The following APC variants were observed in gnomAD, a reference collection of about 807,000 sequenced individuals.
APC encodes the protein adenomatous polyposis coli protein.
APC carries 72 observed loss-of-function variants against 247.0 expected under a neutral mutation model. The ratio of observed to expected loss-of-function variants is 0.29; its 90% CI spans 0.24 to 0.35. The LOEUF (loss-of-function observed/expected upper bound fraction) is 0.35, where lower values mean the gene tolerates loss of function less well. Ranked by LOEUF, APC falls within the 10% of genes least tolerant of loss-of-function variation. The pLI is 1.00. For missense variants in APC, 3,400 were observed against 3,360.7 expected, an observed-to-expected ratio of 1.01 and a Z score of -0.29; for synonymous variants, 1,254 against 1,162.5, an observed-to-expected ratio of 1.08 and a Z score of -1.60.
upstream of APC, among the ~76,000 whole-genome samples, chr5:112,733,940 A>G (rs1454931283): frequency 6.6e-6 from 1 of 152,202 alleles, no homozygotes; most frequent in African/African-American, 2.4e-5. Context: ...AAAATTAATT[A>G]AGATTCTATT....
rs78918340 is a variant in APC, at chr5:112,784,881, A to C, written c.645+3978A>C. Reference sequence around the variant, plus strand: ...AATAGCTCAGGCCTGTAATCCCAGCACTTTGGGAGGCTGACGCAAGAGGAT... The same window carrying C: ...AATAGCTCAGGCCTGTAATCCCAGCCCTTTGGGAGGCTGACGCAAGAGGAT... On this transcript the variant is annotated intron_variant, in intron 6 of 15. Coordinates refer to ENST00000257430, the MANE Select transcript of APC (RefSeq NM_000038.6). 6.6e-6 allele frequency among the ~76,000 whole-genome samples: 1 copy of C among 152,128 alleles called. No individual in the cohort carries two copies. Among genetic ancestry groups the C allele is most frequent in the Non-Finnish European group, 1.5e-5 (1 of 68,012 alleles).
intron 4 of APC, among the ~76,000 whole-genome samples, chr5:112,769,050 C>CTTTTTTTT (rs11379766): frequency 9.3e-5 from 9 of 96,822 alleles, no homozygotes; most frequent in African/African-American, 2.5e-4. Flanking sequence ...TTTTTTTCTT[C>CTTTTTTTT]TTTTTTTTTT....
chr5:112,817,573 C>A (rs1437139257), intron 9 of APC, among the ~76,000 whole-genome samples: 1 of 152,170 alleles, frequency 6.6e-6, no homozygotes, highest in African/African-American at 2.4e-5. Flanking sequence ...CTAACCTCAA[C>A]ATGTAGTTTT....
intron 8 of APC, among the ~76,000 whole-genome samples, chr5:112,811,561 G>A (rs1761986131): frequency 6.6e-6 from 1 of 152,154 alleles, no homozygotes; most frequent in African/African-American, 2.4e-5. Flanking sequence ...AATTTCTACT[G>A]AGACAGATTG....
intron 14 of APC, among the ~76,000 whole-genome samples, chr5:112,832,973 G>C (rs1764451860): frequency 6.6e-6 from 1 of 151,858 alleles, no homozygotes; most frequent in South Asian, 2.1e-4. Context: ...GTTTCCTGAT[G>C]GATATATAGT....
intron 5 of APC, 65 bp from the exon 6 acceptor site, chr5:112,780,725 T>A: frequency 8.7e-7 from 1 of 1,153,036 alleles, no homozygotes; most frequent in South Asian, 1.3e-5. Context: ...CTTATATGCT[T>A]TTTTGCTTTT....
rs1554084088 is a variant in APC at position 112,837,951 on chromosome 5, G to A, written c.2357G>A (p.Arg786His). The change falls in exon 16 of 16, where the codon CGT (arginine) becomes CAT (histidine). Residue 786 changes from arginine to histidine, a missense_variant. By Grantham distance (29) the Arg-to-His change is conservative. Transcript: ENST00000257430. ...IDNLSPKASH[R>H]SKQRHKQSLY... ...AATTTAAGTCCCAAGGCATCTCATC[G>A]TAGTAAGCAGAGACACAAGCAAAGT... 1.6e-5 allele frequency: 26 copies of A among 1,614,044 alleles called. No homozygotes were observed. Among genetic ancestry groups the A allele is most frequent in the Non-Finnish European group, 2.0e-5 (24 of 1,180,016 alleles).
intron 2 of APC, among the ~76,000 whole-genome samples, chr5:112,764,141 G>A (rs968364635): frequency 6.6e-6 from 1 of 151,792 alleles, no homozygotes; most frequent in Non-Finnish European, 1.5e-5. Context: ...AGCTACTGGG[G>A]AGGCTGAGGC....
intron 6 of APC, among the ~76,000 whole-genome samples, chr5:112,790,587 C>T (rs1430987794): frequency 6.6e-6 from 1 of 152,138 alleles, no homozygotes; most frequent in Non-Finnish European, 1.5e-5. Flanking sequence ...CCTCGGCCTC[C>T]TGAAGTGCTG....
intron 4 of APC, among the ~76,000 whole-genome samples, chr5:112,774,845 A>G (rs983185789): frequency 7.2e-5 from 11 of 152,208 alleles, no homozygotes; most frequent in African/African-American, 2.4e-4. Flanking sequence ...GCTACAATTT[A>G]TATTTAAAAT....
In APC at chr5:112,772,830, C is replaced by T. The variant is rs532901102; in HGVS notation, c.423-2799C>T. On this transcript the variant is annotated intron_variant, in intron 4 of 15. Transcript: ENST00000257430. ...CCGTGCCTGGCCCCAACTCTTATTT[C>T]ATAAGTTCATTTATTAGGAAGTAAT... Among the ~76,000 whole-genome samples, 6 of 152,296 alleles carry T rather than the reference C, an allele frequency of 3.9e-5. No individual in the cohort carries two copies. In the South Asian group the frequency reaches 1.2e-3, roughly 32 times the overall value.
chr5:112,845,642 T>A lies in APC; in HGVS notation c.*1516T>A. The A allele has an allele frequency of 4.3e-6, 1 of 232,096 alleles. No individual in the cohort carries two copies. Among genetic ancestry groups the A allele is most frequent in the East Asian group, 6.1e-5 (1 of 16,384 alleles). The allele number at this position is 232,096 out of a possible 1,614,324, so 14.4% of individuals were successfully genotyped here. A position where few individuals can be genotyped will look rare whatever the true frequency, so the allele number is the denominator to read the frequency against. On this transcript the variant is annotated 3_prime_UTR_variant, in exon 16 of 16. Coordinates refer to ENST00000257430, the MANE Select transcript of APC (RefSeq NM_000038.6). Reference sequence around the variant, plus strand: ...TCCCTGCCTGTTAAGGAAACTTTATTTGTGGTAGGTACAGTTCTGGGGTAC... The same window carrying A: ...TCCCTGCCTGTTAAGGAAACTTTATATGTGGTAGGTACAGTTCTGGGGTAC...
intron 6 of APC, among the ~76,000 whole-genome samples, chr5:112,788,307 A>G (rs1033977309): frequency 6.6e-5 from 10 of 152,220 alleles, no homozygotes; most frequent in African/African-American, 2.4e-4. Context: ...TAATTCAGAT[A>G]AAAGCTTCAT....
chr5:112,844,006 G>T lies in APC; in HGVS notation c.8412G>T (p.Gln2804His), dbSNP rs878853476. The change falls in exon 16 of 16, where the codon CAG (glutamine) becomes CAT (histidine). Residue 2804 changes from glutamine (Q) to histidine (H), a missense_variant. This residue lies in a region of APC where 1,788 missense variants were observed against 1,649.5 expected (regional missense o/e 1.08). Transcript: ENST00000257430. ...ATAGCACTTCAGCTCGGCCATCTCA[G>T]ATCCCAACTCCAGTGAATAACAACA... ...SADSTSARPS[Q>H]IPTPVNNNTK... is the part of the protein sequence containing the mutation. 1 of 1,601,742 alleles carries T rather than the reference G, an allele frequency of 6.2e-7. No individual in the cohort carries two copies. The highest frequency in any genetic ancestry group is 2.2e-5 in the East Asian group (1 of 44,806).
rs554356011 is a variant in APC, at chr5:112,843,137, A to G, written c.7543A>G (p.Ile2515Val). 1.5e-4 allele frequency: 238 copies of G among 1,613,936 alleles called. 5 individuals are homozygous for G. The South Asian group carries it at 2.4e-3, about 17-fold the overall frequency. The change falls in exon 16 of 16, where the codon ATA becomes GTA. Residue 2515 changes from isoleucine (I) to valine (V), a missense_variant. By Grantham distance (29) the Ile-to-Val change is conservative. Transcript: ENST00000257430. This position sits in a 1 kb window ranked among gnomAD's most constrained non-coding sequence, Gnocchi z 4.8. ...RKLPPNLSPT[I>V]EYNDGRPAKR... ...ACTCCCACCTAATCTCAGTCCCACT[A>G]TAGAGTATAATGATGGAAGACCAGC...
intron 6 of APC, among the ~76,000 whole-genome samples, chr5:112,784,088 GAC>G (rs1758681391): frequency 6.6e-6 from 1 of 151,852 alleles, no homozygotes; most frequent in South Asian, 2.1e-4. Context: ...TTCTTTTTGA[GAC>G]ACAGTCTTGC....
intron 1 of APC, among the ~76,000 whole-genome samples, chr5:112,725,093 C>T (rs534211242): frequency 6.6e-6 from 1 of 152,204 alleles, no homozygotes; most frequent in East Asian, 1.9e-4. Context: ...AAGCCATTCT[C>T]GTGGCCTAGC....
chr5:112,748,146 C>A (rs1162338861), intron 1 of APC, among the ~76,000 whole-genome samples: 1 of 152,128 alleles, frequency 6.6e-6, no homozygotes, highest in Non-Finnish European at 1.5e-5. Flanking sequence ...GAGACCTGCC[C>A]ACACGTGGTA....
At chr5:112,716,322 A>AT (rs1471094228) in intron 1 of APC, among the ~76,000 whole-genome samples, 1 of 152,100 alleles carries the variant, frequency 6.6e-6, no homozygotes, top group Non-Finnish European at 1.5e-5. Flanking sequence ...TTCTGTTATG[A>AT]TTTATACTTT....
Sources: allele counts gnomAD v4.1 joint callset (sites outside exome capture counted in the v4.1 genomes callset), GRCh38; gene constraint gnomAD v4.1.1; regional missense constraint gnomAD v4.1.1; non-coding constraint Gnocchi (gnomAD v3.1); transcripts MANE v1.5; gene names NCBI Gene and HGNC (gene_info 2026-07-23, HGNC 2026-07-21).